Variants in TTPA observed in about 807,000 individuals in gnomAD.
TTPA encodes alpha-tocopherol transfer protein.
TTPA carries 23 observed loss-of-function variants against 25.9 expected under a neutral mutation model. The observed-to-expected ratio is 0.89, with a 90% confidence interval of 0.64 to 1.26. TTPA has a LOEUF of 1.26. Ranked by LOEUF, TTPA falls within the 50% of genes most tolerant of loss-of-function variation. TTPA has a pLI of 0.00. For missense variants in TTPA, 337 were observed against 353.1 expected (o/e 0.95, Z 0.37); for synonymous variants, 148 against 137.3 (o/e 1.08, Z -0.54).
At chr8:63,064,796 A>C (rs1409882073) in intron 3 of TTPA, among the ~76,000 whole-genome samples, 1 of 152,192 alleles carries the variant, frequency 6.6e-6, no homozygotes, top group Non-Finnish European at 1.5e-5. Flanking sequence ...AGAAGTTAAG[A>C]GTTGAAGGAA....
At position 63,061,121 on chromosome 8, in the gene TTPA, A is replaced by T. The variant is rs546469806; in HGVS notation, c.*131T>A. On this transcript the variant is annotated 3_prime_UTR_variant, in exon 5 of 5. Transcript: ENST00000260116. ...AAACACCTGTGTTGCTCATGTCAGA[A>T]GATTTCTACATTTTTAAAGTTCAGG... 9 of 972,482 alleles carry T rather than the reference A, an allele frequency of 9.3e-6. No homozygotes were observed. The African/African-American group carries it at 1.3e-4, about 14-fold the overall frequency. 60.2% of individuals were successfully genotyped at this position (972,482 alleles called of 1,614,324 possible).
chr8:63,082,202 G>T (rs1405709568), intron 1 of TTPA, among the ~76,000 whole-genome samples: 1 of 152,142 alleles, frequency 6.6e-6, no homozygotes, highest in African/African-American at 2.4e-5. Flanking sequence ...TAAGCAGAAA[G>T]AACAAAGCTG....
intron 1 of TTPA, among the ~76,000 whole-genome samples, chr8:63,080,074 G>A (rs1805635892): frequency 6.6e-6 from 1 of 152,148 alleles, no homozygotes; most frequent in Non-Finnish European, 1.5e-5. Context: ...ATGACTACTG[G>A]GTAAATAATG....
chr8:63,066,256 A>G (rs1368876974), intron 2 of TTPA, among the ~76,000 whole-genome samples, 159 bp from the exon 3 acceptor site: 1 of 152,226 alleles, frequency 6.6e-6, no homozygotes, highest in South Asian at 2.1e-4. Flanking sequence ...GTCCAAGAAC[A>G]TGTGCCTGCT....
intron 1 of TTPA, among the ~76,000 whole-genome samples, chr8:63,078,569 A>C (rs192033662): frequency 1.3e-5 from 2 of 152,354 alleles, no homozygotes; most frequent in African/African-American, 2.4e-5. Context: ...GATTCCATCA[A>C]GTGGAAAGAA....
intron 1 of TTPA, among the ~76,000 whole-genome samples, chr8:63,075,698 C>CAAAAAAAAAAA (rs751066913): frequency 5.3e-5 from 3 of 56,988 alleles, no homozygotes; most frequent in Non-Finnish European, 1.1e-4. Flanking sequence ...GACTCCGTCT[C>CAAAAAAAAAAA]AAAAAAAAAA....
intron 1 of TTPA, among the ~76,000 whole-genome samples, chr8:63,083,855 G>T (rs1244555136): frequency 6.6e-6 from 1 of 151,506 alleles, no homozygotes; most frequent in Non-Finnish European, 1.5e-5. Flanking sequence ...TGTAATATCA[G>T]AGTGATGAGT....
intron 2 of TTPA, among the ~76,000 whole-genome samples, chr8:63,071,492 G>A (rs1406969647): frequency 6.6e-6 from 1 of 152,180 alleles, no homozygotes; most frequent in African/African-American, 2.4e-5. Context: ...GAGAAATTCT[G>A]GGAATAGTGT....
intron 1 of TTPA, 136 bp from the exon 2 acceptor site, chr8:63,073,224 G>T: frequency 1.4e-6 from 1 of 737,306 alleles, no homozygotes; most frequent in Non-Finnish European, 2.2e-6. Flanking sequence ...TATCTTTTCA[G>T]CTGTGAAAAC....
At chr8:63,069,945 T>C (rs1805458374) in intron 2 of TTPA, among the ~76,000 whole-genome samples, 1 of 152,220 alleles carries the variant, frequency 6.6e-6, no homozygotes, top group Non-Finnish European at 1.5e-5. Flanking sequence ...TTAATATGTA[T>C]TGAGTGCTTT....
At chr8:63,079,910 A>G (rs1038739332) in intron 1 of TTPA, among the ~76,000 whole-genome samples, 1 of 152,210 alleles carries the variant, frequency 6.6e-6, no homozygotes, top group Non-Finnish European at 1.5e-5. Flanking sequence ...AATTGACCAC[A>G]TAATTGGAAG....
At position 63,085,958 on chromosome 8, in the gene TTPA, G is replaced by A. The variant is rs1366293054; in HGVS notation, c.64C>T (p.Pro22Ser). Residue 22 changes from proline (P) to serine (S), a missense_variant, in exon 1 of 5, where the codon CCG becomes TCG. Coordinates refer to ENST00000260116, the MANE Select transcript of TTPA (RefSeq NM_000370.3). ...PQLNALPDHS[P>S]LLQPGLAALR... ...GCCGCCAGGCCCGGCTGCAGCAACG[G>A]AGAGTGGTCCGGTAGCGCGTTGAGC... The A allele has an allele frequency of 3.9e-6, 6 of 1,526,524 alleles. 1 individual carries two copies. The South Asian group carries it at 7.2e-5, about 18-fold the overall frequency. The allele number at this position is 1,526,524 out of a possible 1,614,324, so 94.6% of individuals were successfully genotyped here.
chr8:63,073,498 C>T (rs1398386614), intron 1 of TTPA, among the ~76,000 whole-genome samples: 1 of 152,162 alleles, frequency 6.6e-6, no homozygotes, highest in Non-Finnish European at 1.5e-5. Context: ...TTTAAGAAGC[C>T]TGGTACCTTC....
intron 2 of TTPA, among the ~76,000 whole-genome samples, chr8:63,070,240 T>C (rs1805462804): frequency 6.6e-6 from 1 of 152,150 alleles, no homozygotes; most frequent in South Asian, 2.1e-4. Flanking sequence ...CTATGGGATC[T>C]CAAAAAACAT....
At chr8:63,062,328 A>AAACTTGAACCAAAAG (rs1805320102) in intron 4 of TTPA, among the ~76,000 whole-genome samples, 1 of 152,220 alleles carries the variant, frequency 6.6e-6, no homozygotes, top group Non-Finnish European at 1.5e-5. Context: ...AAAGCCGTAG[A>AAACTTGAACCAAAAG]AACTTGAACC....
intron 1 of TTPA, among the ~76,000 whole-genome samples, chr8:63,081,016 C>CA (rs879635708): frequency 0.068 from 9,127 of 134,188 alleles, 413 homozygotes; most frequent in African/African-American, 0.15. Context: ...GCCTACCAAC[C>CA]AAAAAAAAAA....
At chr8:63,059,323 C>T (rs1318376093), downstream of TTPA, among the ~76,000 whole-genome samples, 2 of 151,836 alleles carry the variant, frequency 1.3e-5, no homozygotes, top group African/African-American at 4.8e-5. Context: ...TGAGCCACCG[C>T]GCCCGGCCCA....
chr8:63,085,717 G>T, intron 1 of TTPA, 101 bp downstream of exon 1: 1 of 1,418,226 alleles, frequency 7.1e-7, no homozygotes, highest in Non-Finnish European at 9.5e-7. Context: ...GGTCCTGCCT[G>T]CACCCTGGGC....
At chr8:63,068,837 A>C in intron 2 of TTPA, among the ~76,000 whole-genome samples, 1 of 152,132 alleles carries the variant, frequency 6.6e-6, no homozygotes, top group East Asian at 1.9e-4. Flanking sequence ...ATCCTTCAGG[A>C]GGTGTGTTAG....
Sources: gnomAD v4.1 joint callset for allele counts (sites outside exome capture counted in the v4.1 genomes callset) on GRCh38, gnomAD v4.1.1 for gene constraint, MANE v1.5 for transcripts, NCBI Gene and HGNC (gene_info 2026-07-23, HGNC 2026-07-21) for gene names.